SLCO1B3: variants seen among roughly 807,000 people sequenced by gnomAD.
The protein encoded by SLCO1B3 is solute carrier organic anion transporter family member 1B3, also known as liver-specific organic anion transporter 2.
SLCO1B3 carries 72 observed loss-of-function variants against 71.8 expected under a neutral mutation model. The observed-to-expected ratio is 1.00, with a 90% confidence interval of 0.83 to 1.22. The LOEUF (loss-of-function observed/expected upper bound fraction) is 1.22. Among genes scored for constraint, SLCO1B3 ranks in the 50% most tolerant of loss-of-function variants. The pLI is 0.00. For synonymous variants in SLCO1B3, 298 were observed against 278.4 expected (o/e 1.07, Z -0.70); for missense variants, 911 against 819.7 (o/e 1.11, Z -1.36).
chr12:20,849,311 A>G lies in SLCO1B3; in HGVS notation c.85-5717A>G, dbSNP rs555991405. The stretch of plus-strand genomic sequence containing the variant: ...AATATATTAAGCAAAGAAAAAAGCC[A>G]CATGACCATCTTACTAGATGCATTT... On this transcript the variant is annotated intron_variant, in intron 3 of 15. Transcript: ENST00000381545. Among the ~76,000 whole-genome samples, 6 of 152,154 alleles carry G rather than the reference A, an allele frequency of 3.9e-5. No individual in the cohort carries two copies. In the East Asian group the frequency reaches 1.2e-3, roughly 29 times the overall value.
At chr12:20,839,742 A>C (rs1864757158) in intron 3 of SLCO1B3, among the ~76,000 whole-genome samples, 1 of 151,966 alleles carries the variant, frequency 6.6e-6, no homozygotes, top group African/African-American at 2.4e-5. Context: ...TATTGTTTCA[A>C]ATATTTATTC....
chr12:20,885,916 G>T (rs971855410), intron 13 of SLCO1B3, among the ~76,000 whole-genome samples: 4 of 152,038 alleles, frequency 2.6e-5, no homozygotes, highest in Admixed American at 2.6e-4. Flanking sequence ...GACTGTGCAT[G>T]ACTTGTGTTT....
rs4149166 is a variant in SLCO1B3, at chr12:20,879,205, CTTT to C, written c.1136-212_1136-210del. Among the ~76,000 whole-genome samples the C allele has an allele frequency of 3.2e-5, 3 of 95,208 alleles. No homozygotes were observed. The East Asian group carries it at 9.3e-4, about 29-fold the overall frequency. The allele number at this position is 95,208 out of a possible 152,430, so 62.5% of individuals were successfully genotyped here. A position where few individuals can be genotyped will look rare whatever the true frequency, so the allele number is the denominator to read the frequency against. On this transcript the variant is annotated intron_variant, in intron 10 of 15. Transcript: ENST00000381545. ...CCACCCTAGTGTGCCACCCTTCTCT[CTTT>C]TTTTTTTTTTTTTTTTTTGAGATGG...
intron 3 of SLCO1B3, among the ~76,000 whole-genome samples, chr12:20,836,629 C>A (rs1342919000): frequency 2.6e-5 from 4 of 151,874 alleles, no homozygotes; most frequent in Non-Finnish European, 5.9e-5. Context: ...GGGCCTCATT[C>A]TTTCTGTTTT....
intron 15 of SLCO1B3, among the ~76,000 whole-genome samples, chr12:20,913,682 T>C (rs988856791): frequency 1.3e-5 from 2 of 152,212 alleles, no homozygotes; most frequent in Non-Finnish European, 2.9e-5. Context: ...TTATTCTGTA[T>C]GTCTTCATAT....
chr12:20,826,408 G>A (rs1205914474), intron 3 of SLCO1B3, among the ~76,000 whole-genome samples: 2 of 151,500 alleles, frequency 1.3e-5, no homozygotes, highest in South Asian at 4.2e-4. Flanking sequence ...AAAATCTCTT[G>A]TAATTTTATT....
Position 20,883,502 on chromosome 12 carries a change from A to G in SLCO1B3, c.1582A>G (p.Asn528Asp), listed in dbSNP as rs1865733542. 3 of 1,604,616 alleles carry G rather than the reference A, an allele frequency of 1.9e-6. No homozygotes were observed. The South Asian group carries it at 3.3e-5, about 18-fold the overall frequency. ...ACACTTGGGTGAATGCCCAAGAGAT[A>G]ATACTTGTACAAGGAAATTTTTCAT... Reference protein sequence around the residue: ...SAHLGECPRDNTCTRKFFIYV... With the variant: ...SAHLGECPRDDTCTRKFFIYV... Residue 528 changes from asparagine (N) to aspartate (D), a missense_variant, in exon 13 of 16, where the codon AAT (asparagine) becomes GAT (aspartate). Transcript: ENST00000381545.
chr12:20,883,166 G>A (rs537119181), intron 12 of SLCO1B3, among the ~76,000 whole-genome samples: 1 of 152,252 alleles, frequency 6.6e-6, no homozygotes, highest in East Asian at 1.9e-4. Flanking sequence ...GAAAGAAAAT[G>A]TAGGTGGAAG....
Position 20,875,222 on chromosome 12 carries a change from C to G in SLCO1B3, c.728-13C>G. ...ACGATTTTTGACTGGCTTCTTTTAA[C>G]TGTTTCTCCTAGGCACTATCAGAAT... On this transcript the variant is annotated splice_polypyrimidine_tract_variant and intron_variant, in intron 8 of 15. Coordinates refer to ENST00000381545, the MANE Select transcript of SLCO1B3 (RefSeq NM_019844.4). 6.2e-7 allele frequency: 1 copy of G among 1,611,620 alleles called. No individual in the cohort carries two copies. The highest frequency in any genetic ancestry group is 1.1e-5 in the South Asian group (1 of 90,314).
At position 20,871,111 on chromosome 12, in the gene SLCO1B3, A is replaced by G. The variant is rs370731018; in HGVS notation, c.728-4124A>G. On this transcript the variant is annotated intron_variant, in intron 8 of 15. Coordinates refer to ENST00000381545, the MANE Select transcript of SLCO1B3 (RefSeq NM_019844.4). ...TCACTATTTTGTTGAGGATATTTGC[A>G]TCAATATTCATCAGAGAAATTGGCC... Among the ~76,000 whole-genome samples the G allele has an allele frequency of 8.2e-4, 125 of 152,236 alleles. 2 individuals carry two copies. In the South Asian group the frequency reaches 0.025, roughly 30 times the overall value.
chr12:20,842,923 A>G (rs1439157706), intron 3 of SLCO1B3, among the ~76,000 whole-genome samples: 1 of 152,190 alleles, frequency 6.6e-6, no homozygotes, highest in Non-Finnish European at 1.5e-5. Flanking sequence ...AAGAGACCCC[A>G]GAGAGCTATT....
At chr12:20,857,876 C>CGT (rs1423512525) in intron 4 of SLCO1B3, among the ~76,000 whole-genome samples, 2 of 152,100 alleles carry the variant, frequency 1.3e-5, no homozygotes, top group Non-Finnish European at 2.9e-5. Flanking sequence ...TTATACTCAA[C>CGT]ATTACATCTC....
intron 5 of SLCO1B3, among the ~76,000 whole-genome samples, chr12:20,859,736 T>A (rs1248354191): frequency 6.6e-6 from 1 of 152,118 alleles, no homozygotes; most frequent in Non-Finnish European, 1.5e-5. Flanking sequence ...CATCTTCCAT[T>A]GCTCCCCACA....
chr12:20,886,309 C>T (rs1433799679), intron 13 of SLCO1B3, among the ~76,000 whole-genome samples: 1 of 152,032 alleles, frequency 6.6e-6, no homozygotes, highest in African/African-American at 2.4e-5. Flanking sequence ...TTAGGAAAAT[C>T]ATTAAAGCCA....
intron 3 of SLCO1B3, among the ~76,000 whole-genome samples, chr12:20,835,456 T>C (rs1335040218): frequency 6.6e-6 from 1 of 152,146 alleles, no homozygotes; most frequent in African/African-American, 2.4e-5. Flanking sequence ...CTTGTACACT[T>C]TGCTGCTTAG....
intron 8 of SLCO1B3, among the ~76,000 whole-genome samples, chr12:20,868,973 A>G (rs1452366021): frequency 6.6e-6 from 1 of 152,148 alleles, no homozygotes; most frequent in Non-Finnish European, 1.5e-5. Flanking sequence ...ACTGCTATCT[A>G]GAAGGCAGAG....
chr12:20,898,368 GT>G, intron 13 of SLCO1B3, 67 bp from the exon 14 acceptor site: 1 of 952,188 alleles, frequency 1.1e-6, no homozygotes, highest in East Asian at 2.4e-5. Context: ...GCTGATAAAT[GT>G]TTTGATATTA....
intron 3 of SLCO1B3, among the ~76,000 whole-genome samples, chr12:20,825,734 G>T (rs1864406119): frequency 6.9e-6 from 1 of 145,366 alleles, no homozygotes; most frequent in African/African-American, 2.5e-5. Context: ...GGGAGGCAGA[G>T]ATTGCAGTGA....
At chr12:20,863,570 G>A (rs1487533630) in intron 8 of SLCO1B3, among the ~76,000 whole-genome samples, 1 of 151,862 alleles carries the variant, frequency 6.6e-6, no homozygotes, top group Non-Finnish European at 1.5e-5. Context: ...TTTATCTTTA[G>A]CTAATATTAG....
Sources: gnomAD v4.1 joint callset for allele counts (sites outside exome capture counted in the v4.1 genomes callset) on GRCh38, gnomAD v4.1.1 for gene constraint, MANE v1.5 for transcripts, NCBI Gene and HGNC (gene_info 2026-07-23, HGNC 2026-07-21) for gene names.